The following CES5A variants were observed in gnomAD, a reference collection of about 807,000 sequenced individuals.
The protein encoded by CES5A is carboxylesterase 5A.
A neutral mutation model predicts 62.9 loss-of-function variants in CES5A; 67 were observed. The ratio of observed to expected loss-of-function variants is 1.07; its 90% confidence interval spans 0.88 to 1.31. The LOEUF is 1.31. CES5A is among the 50% of genes most tolerant of loss of function. The pLI is 0.00. For missense variants in CES5A, 748 were observed against 708.5 expected (o/e 1.06, Z -0.63); for synonymous variants, 296 against 280.8 (o/e 1.05, Z -0.54).
intron 1 of CES5A, among the ~76,000 whole-genome samples, chr16:55,894,611 T>C (rs11645591): frequency 0.18 from 26,600 of 151,894 alleles, 2,695 homozygotes; most frequent in Middle Eastern, 0.32. Flanking sequence ...GCCCCATTTC[T>C]CCACAAAAAC....
intron 2 of CES5A, among the ~76,000 whole-genome samples, chr16:55,940,810 CA>C (rs1231303981): frequency 6.6e-6 from 1 of 151,546 alleles, no homozygotes; most frequent in Non-Finnish European, 1.5e-5. Flanking sequence ...CATACACAAC[CA>C]AGTGGAATTT....
intron 6 of CES5A, among the ~76,000 whole-genome samples, chr16:55,861,909 G>C (rs566262711): frequency 4.9e-4 from 74 of 152,250 alleles, no homozygotes; most frequent in Non-Finnish European, 8.2e-4. Context: ...AACACCAAGA[G>C]TGAGGAGCAG....
intron 1 of CES5A, among the ~76,000 whole-genome samples, chr16:55,886,161 A>C (rs998483052): frequency 1.3e-5 from 2 of 152,232 alleles, no homozygotes; most frequent in African/African-American, 2.4e-5. Context: ...TGACCTCAAA[A>C]GATAGTGATG....
chr16:55,933,219 C>T (rs1421767757), intron 2 of CES5A, among the ~76,000 whole-genome samples: 1 of 152,166 alleles, frequency 6.6e-6, no homozygotes, highest in African/African-American at 2.4e-5. Context: ...CTCTTCACAG[C>T]TCATTGGCCA....
At chr16:55,876,534 A>G (rs1289738640), upstream of CES5A, among the ~76,000 whole-genome samples, 1 of 152,118 alleles carries the variant, frequency 6.6e-6, no homozygotes, top group Non-Finnish European at 1.5e-5. Context: ...TGTGTGATGC[A>G]AAGTGCCCTG....
At chr16:55,955,717 C>A (rs573024919) in intron 1 of CES5A, 7 of 1,009,712 alleles carry the variant, frequency 6.9e-6, no homozygotes, top group Non-Finnish European at 8.8e-6. Context: ...TCTAGCCTAC[C>A]GTGGGGGCTG....
intron 2 of CES5A, among the ~76,000 whole-genome samples, chr16:55,873,165 C>T (rs28572096): frequency 0.029 from 4,463 of 152,116 alleles, 158 homozygotes; most frequent in East Asian, 0.14. Flanking sequence ...GTCTCACTGC[C>T]CACCCAGTAA....
At chr16:55,940,777 A>G (rs2034437308) in intron 2 of CES5A, among the ~76,000 whole-genome samples, 1 of 151,506 alleles carries the variant, frequency 6.6e-6, no homozygotes, top group African/African-American at 2.4e-5. Flanking sequence ...CAGCAAAATA[A>G]TAGCAACCAA....
In CES5A at chr16:55,866,257, C is replaced by G. The variant is rs573946470; in HGVS notation, c.552-141G>C. 4.8e-5 allele frequency: 32 copies of G among 660,646 alleles called. No homozygotes were observed. In the Admixed American group the frequency reaches 1.1e-3, roughly 23 times the overall value. The allele number at this position is 660,646 out of a possible 1,614,324, so 40.9% of individuals were successfully genotyped here. A position where few individuals can be genotyped will look rare whatever the true frequency, so the allele number is the denominator to read the frequency against. On this transcript the variant is annotated intron_variant, in intron 4 of 12. Coordinates refer to ENST00000290567, the MANE Select transcript of CES5A (RefSeq NM_001143685.2). ...AGAGGCCTGGAGGAGCTGGGGAAAC[C>G]GGACTCAGTTCTCACACTTTGCTGA...
intron 8 of CES5A, 122 bp downstream of exon 8, chr16:55,859,425 G>T: frequency 3.3e-6 from 3 of 907,736 alleles, no homozygotes; most frequent in Non-Finnish European, 5.1e-6. Flanking sequence ...ATCACTGTGT[G>T]CTTGGCTGGT....
At chr16:55,919,068 C>T (rs2142457385) in intron 1 of CES5A, among the ~76,000 whole-genome samples, 1 of 152,312 alleles carries the variant, frequency 6.6e-6, no homozygotes, top group South Asian at 2.1e-4. Flanking sequence ...TACCCCACTC[C>T]ATCTCTAATC....
At chr16:55,911,922 C>A (rs1487180144) in intron 1 of CES5A, among the ~76,000 whole-genome samples, 5 of 152,180 alleles carry the variant, frequency 3.3e-5, no homozygotes, top group Admixed American at 3.3e-4. Flanking sequence ...GATGTGTATT[C>A]TTTGGTCTAG....
chr16:55,911,884 C>G (rs2034097136), intron 1 of CES5A, among the ~76,000 whole-genome samples: 2 of 152,212 alleles, frequency 1.3e-5, no homozygotes, highest in Admixed American at 1.3e-4. Flanking sequence ...AGACCCAGAC[C>G]AGTGCCTATG....
At chr16:55,871,502 T>G in intron 3 of CES5A, 123 bp downstream of exon 3, 1 of 1,059,082 alleles carries the variant, frequency 9.4e-7, no homozygotes, top group Non-Finnish European at 1.3e-6. Context: ...ATTGTTGATG[T>G]GATTACATTT....
chr16:55,846,890 GC>G, intron 11 of CES5A, 50 bp from the exon 12 acceptor site: 2 of 1,471,836 alleles, frequency 1.4e-6, no homozygotes, highest in Non-Finnish European at 1.9e-6. Flanking sequence ...GGCTCGGGAA[GC>G]CCCGGGTGCC....
In CES5A at chr16:55,930,505, G is replaced by T. The variant is rs183861610; in HGVS notation, c.160+19280C>A. The stretch of plus-strand genomic sequence containing the variant: ...CTATTATAAAAGCCAGTTTGGTTCT[G>T]GTTTTTGCACCCCTTAGCCATGTGA... On this transcript the variant is annotated intron_variant, in intron 2 of 13. Transcript: ENST00000521992. Among the ~76,000 whole-genome samples, 21 of 152,294 alleles carry T rather than the reference G, an allele frequency of 1.4e-4. 1 individual carries two copies. The East Asian group carries it at 3.7e-3, about 27-fold the overall frequency.
intron 1 of CES5A, among the ~76,000 whole-genome samples, chr16:55,903,540 A>T (rs1053422473): frequency 1.3e-5 from 2 of 152,188 alleles, no homozygotes; most frequent in Non-Finnish European, 2.9e-5. Context: ...CTCACTTGTA[A>T]AAAGGGGATT....
Position 55,924,115 on chromosome 16 carries a change from G to T in CES5A, c.-256+1208C>A, listed in dbSNP as rs149841010. On this transcript the variant is annotated intron_variant, in intron 1 of 12. Coordinates refer to the CES5A transcript ENST00000518005. The stretch of plus-strand genomic sequence containing the variant: ...AAAGGGCATTCCAACTGGAAAGAAA[G>T]AAGTCAAATTATCCTTATTCACAGA... Among the ~76,000 whole-genome samples the T allele has an allele frequency of 2.4e-3, 368 of 151,988 alleles. 2 individuals are homozygous for T. The highest frequency in any genetic ancestry group is 8.3e-3 in the African/African-American group (344 of 41,540).
intron 2 of CES5A, among the ~76,000 whole-genome samples, chr16:55,941,202 TAA>T (rs2034442149): frequency 6.6e-5 from 10 of 151,902 alleles, no homozygotes. Flanking sequence ...AAAGAAGAAA[TAA>T]AACCTTCTAT....
Sources: allele counts gnomAD v4.1 joint callset (sites outside exome capture counted in the v4.1 genomes callset), GRCh38; gene constraint gnomAD v4.1.1; transcripts MANE v1.5; gene names NCBI Gene and HGNC (gene_info 2026-07-23, HGNC 2026-07-21).